The following SSBP2 variants were observed in gnomAD, a reference collection of about 807,000 sequenced individuals.
SSBP2 encodes the protein single-stranded DNA-binding protein 2.
In SSBP2, 17 loss-of-function variants were observed where a neutral mutation model predicts 61.8. The ratio of observed to expected loss-of-function variants is 0.28; its 90% CI spans 0.19 to 0.41. SSBP2 has a LOEUF of 0.41. Among genes scored for constraint, SSBP2 ranks in the 10% least tolerant of loss-of-function variants. SSBP2 has a pLI of 1.00. For missense variants in SSBP2, 310 were observed against 458.7 expected, an observed-to-expected ratio of 0.68 and a Z score of 2.96; for synonymous variants, 139 against 141.3, an observed-to-expected ratio of 0.98 and a Z score of 0.12.
intron 5 of SSBP2, among the ~76,000 whole-genome samples, chr5:81,493,599 A>T (rs1002034212): frequency 3.9e-5 from 6 of 152,140 alleles, no homozygotes; most frequent in African/African-American, 1.4e-4. Context: ...AGTAAAAAAT[A>T]CAAAAAATTA....
At chr5:81,658,396 A>C (rs1033309224) in intron 1 of SSBP2, among the ~76,000 whole-genome samples, 2 of 152,114 alleles carry the variant, frequency 1.3e-5, no homozygotes, top group African/African-American at 2.4e-5. Context: ...CAATACCCCC[A>C]CAGACACCAA....
intron 4 of SSBP2, among the ~76,000 whole-genome samples, chr5:81,526,221 GTTT>G (rs1160736896): frequency 6.6e-6 from 1 of 151,860 alleles, no homozygotes; most frequent in African/African-American, 2.4e-5. Flanking sequence ...AAAAAATTCA[GTTT>G]TTTTCCCTTA....
intron 3 of SSBP2, among the ~76,000 whole-genome samples, chr5:81,632,623 G>C (rs562293923): frequency 6.6e-6 from 1 of 152,072 alleles, no homozygotes; most frequent in Non-Finnish European, 1.5e-5. Context: ...CAGCATTTGT[G>C]CTTTGGACCT....
In SSBP2 at chr5:81,418,655, A is replaced by C. The variant is rs187028567; in HGVS notation, c.*1849T>G. ...CCTACACACCTAGGCTATATAATATAAACTATTGCTCCTAGGCTACAAACC... is the reference window on the plus strand; with the variant it reads ...CCTACACACCTAGGCTATATAATATCAACTATTGCTCCTAGGCTACAAACC... On this transcript the variant is annotated 3_prime_UTR_variant, in exon 17 of 17. Coordinates refer to ENST00000320672, the MANE Select transcript of SSBP2 (RefSeq NM_012446.5). The C allele has an allele frequency of 2.6e-5, 4 of 152,336 alleles. No individual in the cohort carries two copies. Among genetic ancestry groups the C allele is most frequent in the African/African-American group, 9.6e-5 (4 of 41,576 alleles). The allele number at this position is 152,336 out of a possible 1,614,324, so 9.4% of individuals were successfully genotyped here.
chr5:81,614,317 G>A (rs1269126866), intron 4 of SSBP2, among the ~76,000 whole-genome samples: 1 of 125,408 alleles, frequency 8.0e-6, no homozygotes, highest in Non-Finnish European at 1.6e-5. Context: ...CCGAGATTGC[G>A]CCACCGCACT....
chr5:81,749,988 C>T (rs1001945941), intron 1 of SSBP2, among the ~76,000 whole-genome samples: 1 of 152,114 alleles, frequency 6.6e-6, no homozygotes, highest in Non-Finnish European at 1.5e-5. Flanking sequence ...TCGGGCGCCC[C>T]CGGCGGCTCC....
intron 1 of SSBP2, among the ~76,000 whole-genome samples, chr5:81,711,439 A>G (rs570323693): frequency 6.6e-6 from 1 of 152,296 alleles, no homozygotes; most frequent in South Asian, 2.1e-4. Flanking sequence ...ATATGCTTAA[A>G]TAAAAGCATA....
intron 4 of SSBP2, among the ~76,000 whole-genome samples, chr5:81,520,600 T>C (rs1298610715): frequency 2.6e-5 from 4 of 152,160 alleles, no homozygotes; most frequent in South Asian, 4.1e-4. Flanking sequence ...CCAGGTAAGA[T>C]GTATTATACA....
intron 2 of SSBP2, among the ~76,000 whole-genome samples, chr5:81,647,333 A>G (rs1393526634): frequency 6.6e-6 from 1 of 152,104 alleles, no homozygotes; most frequent in Admixed American, 6.6e-5. Flanking sequence ...TGTACCCACA[A>G]AAATATATAG....
At chr5:81,444,366 T>A (rs1763234324) in intron 12 of SSBP2, among the ~76,000 whole-genome samples, 1 of 152,218 alleles carries the variant, frequency 6.6e-6, no homozygotes, top group South Asian at 2.1e-4. Flanking sequence ...TTCTACTCAC[T>A]ATCGAAGGGC....
At chr5:81,538,301 G>T (rs1215308665) in intron 4 of SSBP2, among the ~76,000 whole-genome samples, 1 of 152,200 alleles carries the variant, frequency 6.6e-6, no homozygotes, top group East Asian at 1.9e-4. Flanking sequence ...TACAGAGCAA[G>T]GCCCTAAGTC....
chr5:81,655,888 A>G (rs556742101), intron 1 of SSBP2, among the ~76,000 whole-genome samples: 3 of 152,340 alleles, frequency 2.0e-5, no homozygotes, highest in African/African-American at 7.2e-5. Flanking sequence ...ACTAGGCTTC[A>G]TGAATTCAAT....
At position 81,417,645 on chromosome 5, in the gene SSBP2, A is replaced by C. The variant is rs1296534852; in HGVS notation, c.*2859T>G. ...ATTACAAGAAAAAAGGATAAGGGTTAAATGATTCAAAATCTAAACAAAAAT... is the reference window on the plus strand; with the variant it reads ...ATTACAAGAAAAAAGGATAAGGGTTCAATGATTCAAAATCTAAACAAAAAT... On this transcript the variant is annotated 3_prime_UTR_variant, in exon 17 of 17. Coordinates refer to ENST00000320672, the MANE Select transcript of SSBP2 (RefSeq NM_012446.5). 5.3e-5 allele frequency: 8 copies of C among 152,330 alleles called. No homozygotes were observed. In the South Asian group the frequency reaches 8.3e-4, roughly 16 times the overall value. The allele number at this position is 152,330 out of a possible 1,614,324, so 9.4% of individuals were successfully genotyped here.
chr5:81,655,304 T>G (rs1750117726), intron 1 of SSBP2, among the ~76,000 whole-genome samples: 1 of 152,210 alleles, frequency 6.6e-6, no homozygotes, highest in African/African-American at 2.4e-5. Flanking sequence ...GAAATTTAAG[T>G]ACTTTATTAA....
intron 4 of SSBP2, among the ~76,000 whole-genome samples, chr5:81,523,297 GTTAA>G (rs1178975708): frequency 6.6e-6 from 1 of 152,000 alleles, no homozygotes; most frequent in Non-Finnish European, 1.5e-5. Context: ...ATTTTTCACT[GTTAA>G]TTTTCAGAAT....
chr5:81,691,805 C>T (rs1267840517), intron 1 of SSBP2, among the ~76,000 whole-genome samples: 1 of 152,034 alleles, frequency 6.6e-6, no homozygotes, highest in African/African-American at 2.4e-5. Context: ...CTGATGTAAA[C>T]ATCTTCAACA....
chr5:81,619,388 C>G (rs1222016951), intron 3 of SSBP2, among the ~76,000 whole-genome samples: 1 of 28,306 alleles, frequency 3.5e-5, no homozygotes, highest in Non-Finnish European at 6.5e-5. Context: ...CATACACTCT[C>G]CCAAGACTAA....
At chr5:81,698,727 G>C (rs1306770758) in intron 1 of SSBP2, among the ~76,000 whole-genome samples, 1 of 152,172 alleles carries the variant, frequency 6.6e-6, no homozygotes, top group Non-Finnish European at 1.5e-5. Flanking sequence ...AGAATTGCTT[G>C]AATCTGGGAG....
intron 10 of SSBP2, among the ~76,000 whole-genome samples, chr5:81,460,686 G>A (rs781781391): frequency 2.0e-5 from 3 of 152,058 alleles, no homozygotes; most frequent in Non-Finnish European, 2.9e-5. Flanking sequence ...TCTTCTAACA[G>A]GTTGATTGTA....
Sources: gnomAD v4.1 joint callset for allele counts (sites outside exome capture counted in the v4.1 genomes callset) on GRCh38, gnomAD v4.1.1 for gene constraint, MANE v1.5 for transcripts, NCBI Gene and HGNC (gene_info 2026-07-23, HGNC 2026-07-21) for gene names.